The following BCR variants were observed in gnomAD, a reference collection of about 807,000 sequenced individuals.
BCR encodes BCR activator of RhoGEF and GTPase.
BCR carries 58 observed loss-of-function variants against 138.6 expected under a neutral mutation model. That is an observed-to-expected ratio of 0.42 (90% CI 0.34 to 0.52). The LOEUF is 0.52. Ranked by LOEUF, BCR falls within the 20% of genes least tolerant of loss-of-function variation. BCR has a pLI of 0.06. For missense variants in BCR, 1,599 were observed against 1,727.2 expected, an observed-to-expected ratio of 0.93 and a Z score of 1.32; for synonymous variants, 786 against 730.1, an observed-to-expected ratio of 1.08 and a Z score of -1.23.
intron 13 of BCR, 166 bp from the exon 14 acceptor site, chr22:23,290,173 A>G (rs1249029959): frequency 4.3e-6 from 3 of 703,770 alleles, no homozygotes; most frequent in African/African-American, 3.5e-5. Flanking sequence ...CCAAGACAGA[A>G]ATCATGATGA....
chr22:23,239,832 G>A (rs1472842931), intron 1 of BCR, among the ~76,000 whole-genome samples: 1 of 146,260 alleles, frequency 6.8e-6, no homozygotes, highest in Non-Finnish European at 1.5e-5. Flanking sequence ...TTTTTTTTAA[G>A]AGACAGCGTC....
Position 23,181,500 on chromosome 22 carries a change from C to T in BCR, c.540C>T (p.Val180=), listed in dbSNP as rs2072259979. The part of the protein sequence containing the change: ...ADAEKPFYVN[V]EFHHERGLVK... ...CCGAGAAGCCCTTCTACGTGAACGT[C>T]GAGTTTCACCACGAGCGCGGCCTGG... Residue 180 remains valine, a synonymous_variant, in exon 1 of 23, where the codon GTC becomes GTT. Coordinates refer to ENST00000305877, the MANE Select transcript of BCR (RefSeq NM_004327.4). The T allele has an allele frequency of 1.9e-6, 3 of 1,612,126 alleles. No homozygotes were observed. Among genetic ancestry groups the T allele is most frequent in the Non-Finnish European group, 2.5e-6 (3 of 1,179,442 alleles).
intron 20 of BCR, among the ~76,000 whole-genome samples, 167 bp downstream of exon 20, chr22:23,313,188 T>C (rs868418942): frequency 6.6e-6 from 1 of 152,328 alleles, no homozygotes; most frequent in Middle Eastern, 3.4e-3. Flanking sequence ...GAGCCTGTCC[T>C]GGAAGGCCTT....
rs746660501 is a variant in BCR at position 23,181,167 on chromosome 22, C to T, written c.207C>T (p.Ser69=). 3 of 1,412,822 alleles carry T rather than the reference C, an allele frequency of 2.1e-6. No individual in the cohort carries two copies. Among genetic ancestry groups the T allele is most frequent in the Middle Eastern group, 1.9e-4 (1 of 5,386 alleles). 87.5% of individuals were successfully genotyped at this position (1,412,822 alleles called of 1,614,324 possible). The change falls in exon 1 of 23, where the codon AGC becomes AGT. Residue 69 remains serine, a synonymous_variant. Transcript: ENST00000305877. ...LQTLLAKEKK[S]YDRQRWGFRR... is the part of the protein sequence containing the mutation. ...CGTTGCTGGCCAAGGAAAAGAAGAG[C>T]TATGACCGGCAGCGATGGGGCTTCC...
At chr22:23,218,724 G>T (rs946577270) in intron 1 of BCR, among the ~76,000 whole-genome samples, 1 of 152,234 alleles carries the variant, frequency 6.6e-6, no homozygotes, top group Admixed American at 6.5e-5. Flanking sequence ...GGACCCATGG[G>T]GCTTCACCCA....
At chr22:23,212,377 G>A in intron 1 of BCR, among the ~76,000 whole-genome samples, 1 of 152,184 alleles carries the variant, frequency 6.6e-6, no homozygotes, top group East Asian at 1.9e-4. Context: ...CTGCTGACAG[G>A]TGCCCCTGGG....
At chr22:23,277,480 G>A (rs2073591422) in intron 8 of BCR, among the ~76,000 whole-genome samples, 1 of 152,182 alleles carries the variant, frequency 6.6e-6, no homozygotes, top group Non-Finnish European at 1.5e-5. Context: ...AGGAAGAGAT[G>A]TCCCTTTTAG....
chr22:23,241,424 T>C (rs1309855981), intron 1 of BCR, among the ~76,000 whole-genome samples: 1 of 152,178 alleles, frequency 6.6e-6, no homozygotes, highest in Non-Finnish European at 1.5e-5. Flanking sequence ...GCCCGCATCC[T>C]GGCTGAGCAC....
Position 23,181,490 on chromosome 22 carries a change from A to C in BCR, c.530A>C (p.Tyr177Ser). The C allele has an allele frequency of 6.2e-7, 1 of 1,611,994 alleles. No homozygotes were observed. The highest frequency in any genetic ancestry group is 2.2e-5 in the East Asian group (1 of 44,818). ...QPGADAEKPFYVNVEFHHERG... is the reference protein window; with the variant it reads ...QPGADAEKPFSVNVEFHHERG... ...GGGGCGGACGCCGAGAAGCCCTTCT[A>C]CGTGAACGTCGAGTTTCACCACGAG... Residue 177 changes from tyrosine (Y) to serine (S), a missense_variant, in exon 1 of 23, where the codon TAC (tyrosine) becomes TCC (serine). Tyr to Ser is a moderately radical substitution (Grantham distance 144, BLOSUM62 -2). This residue lies in a region of BCR where 806 missense variants were observed against 635.0 expected (regional missense o/e 1.27). Coordinates refer to ENST00000305877, the MANE Select transcript of BCR (RefSeq NM_004327.4).
chr22:23,264,257 G>C lies in BCR; in HGVS notation c.1752+2717G>C, dbSNP rs113157063. The C allele has an allele frequency of 3.6e-5, 34 of 943,038 alleles. No homozygotes were observed. The African/African-American group carries it at 4.3e-4, about 12-fold the overall frequency. The allele number at this position is 943,038 out of a possible 1,614,324, so 58.4% of individuals were successfully genotyped here. A position where few individuals can be genotyped will look rare whatever the true frequency, so the allele number is the denominator to read the frequency against. On this transcript the variant is annotated intron_variant, in intron 4 of 22. Coordinates refer to ENST00000305877, the MANE Select transcript of BCR (RefSeq NM_004327.4). ...GCCCGCACACCTTCCCGCTGACGTCGACCCGCCTCGGCAGCCCTGTGTACT... is the reference window on the plus strand; with the variant it reads ...GCCCGCACACCTTCCCGCTGACGTCCACCCGCCTCGGCAGCCCTGTGTACT...
At position 23,204,261 on chromosome 22, in the gene BCR, G is replaced by C. The variant is rs12484255; in HGVS notation, c.1279+22022G>C. Among the ~76,000 whole-genome samples, 1,407 of 152,282 alleles carry C rather than the reference G, an allele frequency of 9.2e-3. 68 individuals are homozygous for C. The highest frequency in any genetic ancestry group is 0.084 in the Admixed American group (1,280 of 15,290). ...CCACGCTTGCTCCTCCTCTTGCTCT[G>C]CGTTGCCCATCTTAGCTGTGCCCTT... On this transcript the variant is annotated intron_variant, in intron 1 of 22. Transcript: ENST00000305877.
intron 1 of BCR, among the ~76,000 whole-genome samples, chr22:23,211,676 T>G (rs911449262): frequency 4.6e-5 from 7 of 151,896 alleles, no homozygotes; most frequent in Admixed American, 3.9e-4. Context: ...TTTTGTTTTG[T>G]TTTTTGTATT....
In BCR at chr22:23,277,873, G is replaced by A. The variant is rs1041086461; in HGVS notation, c.2115+4099G>A. On this transcript the variant is annotated intron_variant, in intron 8 of 22. Transcript: ENST00000305877. ...TCCAGGTAGCTCCCTGATGCTGAAC[G>A]GTGGCCGGCAGGTGCTCCAGCTTCC... Among the ~76,000 whole-genome samples, 4 of 152,192 alleles carry A rather than the reference G, an allele frequency of 2.6e-5. No individual in the cohort carries two copies. The South Asian group carries it at 6.2e-4, about 24-fold the overall frequency.
intron 2 of BCR, among the ~76,000 whole-genome samples, chr22:23,258,104 C>T (rs2073315105): frequency 6.6e-6 from 1 of 152,072 alleles, no homozygotes; most frequent in African/African-American, 2.4e-5. Context: ...GCTCTCAGCC[C>T]AGATCTTGAT....
rs1458592808 is a variant in BCR at position 23,268,513 on chromosome 22, G to A, written c.1858G>A (p.Glu620Lys). Residue 620 changes from glutamate (E) to lysine (K), a missense_variant and splice_region_variant, in exon 5 of 23, where the codon GAG becomes AAG. Glu to Lys is a moderately conservative substitution (Grantham distance 56). Around this residue, in one of 4 missense-constraint regions of BCR, gnomAD observed 590 missense variants for 762.4 expected, o/e 0.77. Transcript: ENST00000305877. The stretch of plus-strand genomic sequence containing the variant: ...CAATGCTCAGTTTGCAGAAATCTCC[G>A]AGGTAATGCCTTGATGCCGTTCAGA... Reference protein sequence around the residue: ...QANAQFAEISENLRARSNKDA... With the variant: ...QANAQFAEISKNLRARSNKDA... The A allele has an allele frequency of 6.8e-6, 11 of 1,612,768 alleles. No homozygotes were observed. The highest frequency in any genetic ancestry group is 2.2e-5 in the East Asian group (1 of 44,880).
intron 1 of BCR, among the ~76,000 whole-genome samples, chr22:23,201,064 A>C (rs1245331449): frequency 6.6e-6 from 1 of 152,256 alleles, no homozygotes; most frequent in Non-Finnish European, 1.5e-5. Context: ...GAGTGGTTAC[A>C]GGAAATGGAA....
intron 1 of BCR, among the ~76,000 whole-genome samples, chr22:23,240,341 G>GTGTGTGTGTGTC (rs1555878021): frequency 6.9e-6 from 1 of 145,894 alleles, no homozygotes; most frequent in African/African-American, 2.6e-5. Flanking sequence ...GTGTGTGTGT[G>GTGTGTGTGTGTC]TGTCTGTCTA....
rs1168773420 is a variant in BCR, at chr22:23,312,989, A to G, written c.3425A>G (p.Asp1142Gly). 1 of 1,588,750 alleles carries G rather than the reference A, an allele frequency of 6.3e-7. No individual in the cohort carries two copies. Among genetic ancestry groups the G allele is most frequent in the South Asian group, 1.1e-5 (1 of 90,238 alleles). Reference sequence around the variant, plus strand: ...GAGCTGCCCGAGCCCCTCTTCACTGACGAGTTCTACCCCAACTTCGCAGAG... The same window carrying G: ...GAGCTGCCCGAGCCCCTCTTCACTGGCGAGTTCTACCCCAACTTCGCAGAG... ...FRELPEPLFT[D>G]EFYPNFAEGI... is the part of the protein sequence containing the mutation. Residue 1142 changes from aspartate to glycine, a missense_variant, in exon 20 of 23, where the codon GAC becomes GGC. Physicochemically the swap from Asp to Gly is moderately conservative, Grantham distance 94. This residue lies in a region of BCR where 177 missense variants were observed against 226.4 expected (regional missense o/e 0.78). Coordinates refer to ENST00000305877, the MANE Select transcript of BCR (RefSeq NM_004327.4).
At chr22:23,310,238 T>C (rs984140934) in intron 17 of BCR, 86 bp from the exon 18 acceptor site, 4 of 629,842 alleles carry the variant, frequency 6.4e-6, no homozygotes, top group African/African-American at 5.5e-5. Flanking sequence ...GGTGGAAATA[T>C]TTGATGAGAC....
Sources: gnomAD v4.1 joint callset for allele counts (sites outside exome capture counted in the v4.1 genomes callset) on GRCh38, gnomAD v4.1.1 for gene constraint, gnomAD v4.1.1 regional missense constraint, MANE v1.5 for transcripts, NCBI Gene and HGNC (gene_info 2026-07-23, HGNC 2026-07-21) for gene names.